The following TRAM2 variants were observed in gnomAD, a reference collection of about 807,000 sequenced individuals.
TRAM2 encodes translocating chain-associated membrane protein 2.
In TRAM2, 12 loss-of-function variants were observed where a neutral mutation model predicts 51.0. That is an observed-to-expected ratio of 0.24 (90% CI 0.15 to 0.38). The LOEUF is 0.38. Among genes scored for constraint, TRAM2 ranks in the 10% least tolerant of loss-of-function variants. The pLI, the probability that TRAM2 is intolerant of heterozygous loss-of-function variation, is 1.00. For synonymous variants in TRAM2, 175 were observed against 179.4 expected (o/e 0.98, Z 0.20); for missense variants, 361 against 462.0 (o/e 0.78, Z 2.00).
intron 4 of TRAM2, among the ~76,000 whole-genome samples, chr6:52,510,051 G>A (rs529793900): frequency 6.6e-6 from 1 of 152,258 alleles, no homozygotes; most frequent in East Asian, 1.9e-4. Flanking sequence ...ATGAACTCTA[G>A]AATCACCACT....
At position 52,504,610 on chromosome 6, in the gene TRAM2, C is replaced by T. The variant is rs201610204; in HGVS notation, c.1020G>A (p.Arg340=). 7.9e-4 allele frequency: 1,268 copies of T among 1,614,192 alleles called. 14 individuals carry two copies. The South Asian group carries it at 0.013, about 17-fold the overall frequency. The part of the protein sequence containing the change: ...RVPATPRLPA[R]LIKRESGYHE... ...ACTCACCAGATTCCCTCTTGATGAG[C>T]CTGGCTGGTAGTCTGGGTGTGGCTG... Residue 340 remains arginine, a synonymous_variant, in exon 10 of 11, where the codon AGG becomes AGA. Coordinates refer to ENST00000182527, the MANE Select transcript of TRAM2 (RefSeq NM_012288.4).
In TRAM2 at chr6:52,519,008, T is replaced by C. The variant is rs1413045913; in HGVS notation, c.185-2271A>G. Reference sequence around the variant, plus strand: ...ACCTGCCATTCTTGATACCAAATACTAGGGTTCCAAAGAAATATGACTATA... The same window carrying C: ...ACCTGCCATTCTTGATACCAAATACCAGGGTTCCAAAGAAATATGACTATA... On this transcript the variant is annotated intron_variant, in intron 2 of 10. Transcript: ENST00000182527. Among the ~76,000 whole-genome samples the C allele has an allele frequency of 2.0e-5, 3 of 152,202 alleles. No homozygotes were observed. The South Asian group carries it at 6.2e-4, about 32-fold the overall frequency.
At chr6:52,529,505 G>GGTCT (rs1196781534) in intron 2 of TRAM2, 13 of 152,268 alleles carry the variant, frequency 8.5e-5, no homozygotes, top group Admixed American at 7.2e-4. Flanking sequence ...TGATGCAGCA[G>GGTCT]GTCTGCGGTG....
intron 1 of TRAM2, among the ~76,000 whole-genome samples, chr6:52,539,812 C>T (rs1767045783): frequency 6.6e-6 from 1 of 152,186 alleles, no homozygotes; most frequent in South Asian, 2.1e-4. Flanking sequence ...ATCCTGTCAT[C>T]TGTCCACGAT....
chr6:52,516,287 T>G, intron 3 of TRAM2, 165 bp from the exon 4 acceptor site: 1 of 660,250 alleles, frequency 1.5e-6, no homozygotes. Flanking sequence ...CATACAGTGC[T>G]TGGTCTAAGG....
Position 52,548,057 on chromosome 6 carries a change from T to C in TRAM2, c.121-12211A>G, listed in dbSNP as rs1044000616. Among the ~76,000 whole-genome samples, 5 of 152,258 alleles carry C rather than the reference T, an allele frequency of 3.3e-5. 1 individual carries two copies. Among genetic ancestry groups the C allele is most frequent in the Admixed American group, 2.0e-4 (3 of 15,290 alleles). On this transcript the variant is annotated intron_variant, in intron 1 of 10. Coordinates refer to ENST00000182527, the MANE Select transcript of TRAM2 (RefSeq NM_012288.4). ...GTAAGGCACTTTCACACCCTAGTAA[T>C]ATGTCTTTGTTTAGCACTGTCCCTA... is the stretch of plus-strand genomic sequence containing the variant.
intron 2 of TRAM2, among the ~76,000 whole-genome samples, chr6:52,526,503 C>T (rs998200391): frequency 3.3e-5 from 5 of 152,122 alleles, no homozygotes; most frequent in East Asian, 1.9e-4. Flanking sequence ...TCTTGTGCCT[C>T]GGCCTCCTGA....
chr6:52,520,134 G>A (rs763543131), intron 2 of TRAM2, among the ~76,000 whole-genome samples: 33 of 152,212 alleles, frequency 2.2e-4, no homozygotes, highest in Non-Finnish European at 1.8e-4. Context: ...AAGATGGTAA[G>A]TTTTATGTTA....
At chr6:52,503,312 G>A (rs775088777) in intron 10 of TRAM2, 42 bp from the exon 11 acceptor site, 1 of 1,574,632 alleles carries the variant, frequency 6.4e-7, no homozygotes, top group Non-Finnish European at 8.7e-7. Flanking sequence ...TGTTTCTGCT[G>A]GAGCTAAGGC....
intron 2 of TRAM2, among the ~76,000 whole-genome samples, chr6:52,527,490 G>A (rs1766804968): frequency 6.6e-6 from 1 of 151,250 alleles, no homozygotes; most frequent in Non-Finnish European, 1.5e-5. Context: ...TGTGGGGTGG[G>A]GTCCAGGTCA....
Position 52,540,732 on chromosome 6 carries a change from T to C in TRAM2, c.121-4886A>G, listed in dbSNP as rs150625945. Among the ~76,000 whole-genome samples the C allele has an allele frequency of 3.1e-3, 472 of 152,338 alleles. 2 individuals are homozygous for C. The highest frequency in any genetic ancestry group is 0.011 in the African/African-American group (449 of 41,574). On this transcript the variant is annotated intron_variant, in intron 1 of 10. Coordinates refer to ENST00000182527, the MANE Select transcript of TRAM2 (RefSeq NM_012288.4). Reference sequence around the variant, plus strand: ...GAGAACCAGGAGCCTATTAAAAATGTCATTCCAATTATTTCTCATCCCTCT... The same window carrying C: ...GAGAACCAGGAGCCTATTAAAAATGCCATTCCAATTATTTCTCATCCCTCT...
intron 1 of TRAM2, among the ~76,000 whole-genome samples, chr6:52,538,105 T>C (rs1767006867): frequency 6.6e-6 from 1 of 152,162 alleles, no homozygotes; most frequent in Non-Finnish European, 1.5e-5. Context: ...AACCTCATCT[T>C]CTCAGCCTGA....
chr6:52,506,369 C>T (rs1204711882), intron 7 of TRAM2, among the ~76,000 whole-genome samples: 2 of 152,190 alleles, frequency 1.3e-5, no homozygotes, highest in African/African-American at 4.8e-5. Flanking sequence ...CAGTCAGATG[C>T]CCTTGCCTGC....
intron 1 of TRAM2, among the ~76,000 whole-genome samples, chr6:52,540,872 G>A (rs1394079740): frequency 6.6e-6 from 1 of 152,194 alleles, no homozygotes; most frequent in African/African-American, 2.4e-5. Context: ...GGAGAACACT[G>A]AATTATGTAG....
chr6:52,576,463 G>T (rs1275543306), intron 1 of TRAM2, among the ~76,000 whole-genome samples: 1 of 152,212 alleles, frequency 6.6e-6, no homozygotes, highest in Non-Finnish European at 1.5e-5. Flanking sequence ...CGCCAGAAAG[G>T]GAACCCCACG....
chr6:52,537,452 T>A (rs1294109415), intron 1 of TRAM2, among the ~76,000 whole-genome samples: 2 of 152,136 alleles, frequency 1.3e-5, no homozygotes, highest in East Asian at 3.9e-4. Flanking sequence ...CCACTCTCAG[T>A]TTGCGTCCTA....
Position 52,499,943 on chromosome 6 carries a change from T to C in TRAM2, c.*3254A>G, listed in dbSNP as rs1438362640. ...CTACCTTCAAAAGGAACACATGCAA[T>C]TTATTAATAGTGCAGCTATCAGCGC... On this transcript the variant is annotated 3_prime_UTR_variant, in exon 11 of 11. Transcript: ENST00000182527. 2 of 152,138 alleles carry C rather than the reference T, an allele frequency of 1.3e-5. No individual in the cohort carries two copies. The highest frequency in any genetic ancestry group is 2.9e-5 in the Non-Finnish European group (2 of 68,032). 9.4% of individuals were successfully genotyped at this position (152,138 alleles called of 1,614,324 possible). A position where few individuals can be genotyped will look rare whatever the true frequency, so the allele number is the denominator to read the frequency against.
intron 1 of TRAM2, among the ~76,000 whole-genome samples, chr6:52,548,111 T>C (rs1767243238): frequency 6.6e-6 from 1 of 152,254 alleles, no homozygotes; most frequent in Non-Finnish European, 1.5e-5. Context: ...TTTTTAAAAA[T>C]CAATTCTTCA....
At chr6:52,522,781 T>C in intron 2 of TRAM2, 1 of 609,982 alleles carries the variant, frequency 1.6e-6, no homozygotes, top group Non-Finnish European at 2.9e-6. Flanking sequence ...TTGGCTGTTT[T>C]GACAACCTCT....
Sources: gnomAD v4.1 joint callset for allele counts (sites outside exome capture counted in the v4.1 genomes callset) on GRCh38, gnomAD v4.1.1 for gene constraint, MANE v1.5 for transcripts, NCBI Gene and HGNC (gene_info 2026-07-23, HGNC 2026-07-21) for gene names.